Variants in USP7 observed in about 807,000 individuals in gnomAD.
USP7 encodes ubiquitin specific peptidase 7.
Under a neutral mutation model 162.9 loss-of-function variants are expected in USP7, and 9 were observed. That is an observed-to-expected ratio of 0.06 (90% CI 0.03 to 0.10). USP7 has a LOEUF of 0.10. USP7 is among the 10% of genes least tolerant of loss of function. The pLI, the probability that USP7 is intolerant of heterozygous loss-of-function variation, is 1.00. For missense variants in USP7, 715 were observed against 1,373.7 expected, an observed-to-expected ratio of 0.52 and a Z score of 7.58; for synonymous variants, 562 against 475.9, an observed-to-expected ratio of 1.18 and a Z score of -2.35.
At chr16:8,951,735 C>A (rs1046657205) in intron 1 of USP7, among the ~76,000 whole-genome samples, 3 of 152,238 alleles carry the variant, frequency 2.0e-5, no homozygotes, top group Admixed American at 2.0e-4. Flanking sequence ...ATTTAAATCT[C>A]TCCATACACT....
At chr16:8,957,846 T>C (rs1026502792) in intron 1 of USP7, among the ~76,000 whole-genome samples, 1 of 152,124 alleles carries the variant, frequency 6.6e-6, no homozygotes, top group Non-Finnish European at 1.5e-5. Context: ...AATTTTCAGT[T>C]ATTTATGAAA....
chr16:8,912,849 TA>T (rs949113330), intron 10 of USP7, among the ~76,000 whole-genome samples: 11 of 150,956 alleles, frequency 7.3e-5, no homozygotes, highest in African/African-American at 1.5e-4. Context: ...CTTCTAAAAA[TA>T]AAAAAAAATT....
intron 1 of USP7, among the ~76,000 whole-genome samples, chr16:8,933,835 A>G (rs914289063): frequency 1.3e-5 from 2 of 150,570 alleles, no homozygotes; most frequent in Non-Finnish European, 3.0e-5. Flanking sequence ...AGCTCACTGC[A>G]GCCTCCATCT....
chr16:8,925,124 C>CAG (rs1897919970), intron 2 of USP7, among the ~76,000 whole-genome samples: 1 of 152,202 alleles, frequency 6.6e-6, no homozygotes, highest in African/African-American at 2.4e-5. Context: ...AGACAAGAGA[C>CAG]AGATGTCAAT....
intron 1 of USP7, chr16:8,962,886 C>T (rs1232018122): frequency 6.3e-6 from 1 of 159,036 alleles, no homozygotes; most frequent in East Asian, 1.8e-4. Flanking sequence ...AGTCCGCCTC[C>T]CAACCTGGGT....
At chr16:8,933,024 T>G (rs1487476702) in intron 1 of USP7, among the ~76,000 whole-genome samples, 1 of 152,012 alleles carries the variant, frequency 6.6e-6, no homozygotes, top group African/African-American at 2.4e-5. Flanking sequence ...CACTGCAACC[T>G]CTGCCTCCGG....
chr16:8,894,453 G>T, intron 30 of USP7, 97 bp downstream of exon 30: 1 of 1,227,262 alleles, frequency 8.1e-7, no homozygotes, highest in Non-Finnish European at 1.1e-6. Flanking sequence ...AGAGAGAGGA[G>T]CTGGCACTTG....
chr16:8,919,423 T>C (rs1897554224), intron 5 of USP7, among the ~76,000 whole-genome samples: 1 of 152,118 alleles, frequency 6.6e-6, no homozygotes, highest in South Asian at 2.1e-4. Context: ...AACGGAGACC[T>C]GCATGCTCAC....
chr16:8,918,523 GT>G (rs1357570259), intron 6 of USP7, among the ~76,000 whole-genome samples: 2 of 152,086 alleles, frequency 1.3e-5, no homozygotes. Context: ...GCAAAATTAG[GT>G]CATGGCTGGG....
intron 30 of USP7, 147 bp downstream of exon 30, chr16:8,894,403 T>A: frequency 1.4e-6 from 1 of 718,786 alleles, no homozygotes; most frequent in South Asian, 1.8e-5. Flanking sequence ...TCGTAGGTTA[T>A]GGAATGCTAT....
At chr16:8,930,440 G>A in intron 1 of USP7, 43 bp from the exon 2 acceptor site, 1 of 1,454,276 alleles carries the variant, frequency 6.9e-7, no homozygotes, top group Non-Finnish European at 9.4e-7. Flanking sequence ...TACATTCATG[G>A]CTTTAATAGA....
intron 8 of USP7, 141 bp downstream of exon 8, chr16:8,916,361 T>C: frequency 2.5e-6 from 2 of 806,066 alleles, no homozygotes; most frequent in Non-Finnish European, 3.8e-6. Flanking sequence ...AGACATCTGC[T>C]GCCTTTTTGT....
At chr16:8,894,663 T>A (rs1210541597) in intron 29 of USP7, 23 bp from the exon 30 acceptor site, 10 of 1,611,534 alleles carry the variant, frequency 6.2e-6, no homozygotes, top group Non-Finnish European at 8.5e-6. Flanking sequence ...AAATTAAAAC[T>A]CCTCCGTTAT....
intron 1 of USP7, among the ~76,000 whole-genome samples, chr16:8,946,938 T>C (rs1212473156): frequency 6.6e-6 from 1 of 152,224 alleles, no homozygotes; most frequent in Non-Finnish European, 1.5e-5. Context: ...GGCCAATAAA[T>C]GCAACTGGAA....
At chr16:8,921,634 C>G (rs149129944) in intron 3 of USP7, among the ~76,000 whole-genome samples, 219 of 152,342 alleles carry the variant, frequency 1.4e-3, no homozygotes, top group African/African-American at 4.9e-3. Flanking sequence ...CCTGCCCCTA[C>G]AGCCCTTCAG....
At chr16:8,894,899 C>T (rs369435839) in intron 28 of USP7, 44 bp from the exon 29 acceptor site, 2 of 1,613,910 alleles carry the variant, frequency 1.2e-6, no homozygotes, top group African/African-American at 1.3e-5. Context: ...ACTCCCAGCA[C>T]CCCCAGGCCA....
At chr16:8,895,795 A>ATATATGTGAAT in intron 26 of USP7, 54 bp from the exon 27 acceptor site, 1 of 1,243,812 alleles carries the variant, frequency 8.0e-7, no homozygotes, top group Non-Finnish European at 1.1e-6. Context: ...TATTCACATA[A>ATATATGTGAAT]AAATAAAATG....
At position 8,894,646 on chromosome 16, in the gene USP7, A is replaced by AG; in HGVS notation, c.3112-7dup. The AG allele has an allele frequency of 6.2e-7, 1 of 1,613,022 alleles. No individual in the cohort carries two copies. Among genetic ancestry groups the AG allele is most frequent in the South Asian group, 1.1e-5 (1 of 90,972 alleles). On this transcript the variant is annotated splice_region_variant and splice_polypyrimidine_tract_variant and intron_variant, in intron 29 of 30. Coordinates refer to ENST00000344836, the MANE Select transcript of USP7 (RefSeq NM_003470.3). ...ATTACAATTGCAAATTTAAACTAAA[A>AG]GAAAAAAAATTAAAACTCCTCCGTT... is the stretch of plus-strand genomic sequence containing the variant.
chr16:8,929,869 G>A (rs542203869), intron 2 of USP7, among the ~76,000 whole-genome samples: 16 of 152,138 alleles, frequency 1.1e-4, no homozygotes, highest in Non-Finnish European at 7.3e-5. Context: ...TAACAGGAGC[G>A]GGGAGGGATT....
Sources: allele counts gnomAD v4.1 joint callset (sites outside exome capture counted in the v4.1 genomes callset), GRCh38; gene constraint gnomAD v4.1.1; transcripts MANE v1.5; gene names NCBI Gene and HGNC (gene_info 2026-07-23, HGNC 2026-07-21).